HIVEP2: variants seen among roughly 807,000 people sequenced by gnomAD.
HIVEP2 encodes transcription factor HIVEP2.
A neutral mutation model predicts 180.7 loss-of-function variants in HIVEP2; 14 were observed. That is an observed-to-expected ratio of 0.08 (90% CI 0.05 to 0.12). The LOEUF is 0.12. Among genes scored for constraint, HIVEP2 ranks in the 10% least tolerant of loss-of-function variants. HIVEP2 has a pLI of 1.00. For synonymous variants in HIVEP2, 1,184 were observed against 1,136.4 expected, an observed-to-expected ratio of 1.04 and a Z score of -0.84; for missense variants, 2,579 against 3,008.5, an observed-to-expected ratio of 0.86 and a Z score of 3.34.
chr6:142,866,689 G>A (rs56171412), intron 1 of HIVEP2, among the ~76,000 whole-genome samples: 2,401 of 152,228 alleles, frequency 0.016, 27 homozygotes, highest in Middle Eastern at 0.034. Flanking sequence ...GAATTACTGG[G>A]AAAAGGATAA....
chr6:142,822,774 T>C (rs1379325418), intron 2 of HIVEP2, among the ~76,000 whole-genome samples: 2 of 152,182 alleles, frequency 1.3e-5, no homozygotes, highest in African/African-American at 4.8e-5. Context: ...TCTTTCCAAC[T>C]GTGTGGAGAA....
intron 1 of HIVEP2, among the ~76,000 whole-genome samples, chr6:142,877,267 T>C (rs1232489456): frequency 1.3e-5 from 2 of 152,174 alleles, no homozygotes; most frequent in Non-Finnish European, 2.9e-5. Flanking sequence ...ATATATCTAG[T>C]TAGTTTTAAT....
intron 1 of HIVEP2, among the ~76,000 whole-genome samples, chr6:142,869,829 G>T (rs1776242620): frequency 6.6e-6 from 1 of 152,042 alleles, no homozygotes; most frequent in African/African-American, 2.4e-5. Flanking sequence ...ACCCAAAAAG[G>T]CTTGGGTTGA....
At chr6:142,785,362 A>T (rs1582857079) in intron 2 of HIVEP2, among the ~76,000 whole-genome samples, 1 of 136,428 alleles carries the variant, frequency 7.3e-6, no homozygotes, top group Non-Finnish European at 1.6e-5. Flanking sequence ...AGAAGAAATC[A>T]CTGAGTTATT....
At position 142,773,197 on chromosome 6, in the gene HIVEP2, G is replaced by A. The variant is rs781459292; in HGVS notation, c.1542C>T (p.Asn514=). ...AGTTTGCTGGATAAAGTTTTCCTTC[G>A]TTCCTGATAGATGATGGAATAATCT... ...QPQIIPSSIR[N]EGKLYPANFQ... is the part of the protein sequence containing the mutation. The change falls in exon 5 of 10, where the codon AAC becomes AAT. Residue 514 remains asparagine, a synonymous_variant. Transcript: ENST00000367603. The A allele has an allele frequency of 4.0e-5, 64 of 1,614,036 alleles. 2 individuals are homozygous for A. The highest frequency in any genetic ancestry group is 2.9e-4 in the South Asian group (26 of 91,078).
At chr6:142,821,782 C>A (rs562271257) in intron 2 of HIVEP2, among the ~76,000 whole-genome samples, 67 of 152,276 alleles carry the variant, frequency 4.4e-4, no homozygotes, top group African/African-American at 1.6e-3. Context: ...CTAGGTCAAG[C>A]AATCAAGGCT....
In HIVEP2 at chr6:142,753,702, G is replaced by C; in HGVS notation, c.6746C>G (p.Pro2249Arg). The C allele has an allele frequency of 6.2e-7, 1 of 1,614,166 alleles. No homozygotes were observed. The highest frequency in any genetic ancestry group is 8.5e-7 in the Non-Finnish European group (1 of 1,180,032). Residue 2249 changes from proline (P) to arginine (R), a missense_variant, in exon 10 of 10, where the codon CCT (proline) becomes CGT (arginine). By Grantham distance (103) the Pro-to-Arg change is moderately radical. Around this residue, in one of 11 missense-constraint regions of HIVEP2, gnomAD observed 660 missense variants for 731.7 expected, o/e 0.90. Coordinates refer to ENST00000367603, the MANE Select transcript of HIVEP2 (RefSeq NM_006734.4). ...CATTGGCAGGGGCAATGTGGGTGAA[G>C]GATGTAAACTGGAAAGGGCTGGCGG... ...SMPPALSSLH[P>R]SPTLPLPMEG... is the part of the protein sequence containing the mutation.
intron 1 of HIVEP2, among the ~76,000 whole-genome samples, chr6:142,895,222 GT>G (rs1776956609): frequency 6.6e-6 from 1 of 151,746 alleles, no homozygotes; most frequent in South Asian, 2.1e-4. Context: ...ATTGTTTTCT[GT>G]TTTGTCTTAC....
At chr6:142,798,370 T>C (rs1383680958) in intron 2 of HIVEP2, among the ~76,000 whole-genome samples, 2 of 152,180 alleles carry the variant, frequency 1.3e-5, no homozygotes, top group Non-Finnish European at 2.9e-5. Context: ...CACTGTATTG[T>C]TGCAATTCAT....
At position 142,772,683 on chromosome 6, in the gene HIVEP2, T is replaced by C. The variant is rs766476838; in HGVS notation, c.2056A>G (p.Ser686Gly). 1.6e-5 allele frequency: 26 copies of C among 1,614,244 alleles called. No homozygotes were observed. Among genetic ancestry groups the C allele is most frequent in the Non-Finnish European group, 2.1e-5 (25 of 1,180,046 alleles). Residue 686 changes from serine to glycine, a missense_variant, in exon 5 of 10, where the codon AGC becomes GGC. Coordinates refer to ENST00000367603, the MANE Select transcript of HIVEP2 (RefSeq NM_006734.4). This position sits in a 1 kb window ranked among gnomAD's most constrained non-coding sequence, Gnocchi z 4.9. ...DPVVPLQGVPSMFGTTCENRK... is the reference protein window; with the variant it reads ...DPVVPLQGVPGMFGTTCENRK... Reference sequence around the variant, plus strand: ...TTTTCACAGGTAGTTCCAAACATGCTTGGTACTCCCTGCAATGGCACCACG... The same window carrying C: ...TTTTCACAGGTAGTTCCAAACATGCCTGGTACTCCCTGCAATGGCACCACG...
intron 1 of HIVEP2, among the ~76,000 whole-genome samples, chr6:142,877,078 A>C (rs1398830047): frequency 6.6e-6 from 1 of 152,164 alleles, no homozygotes; most frequent in Non-Finnish European, 1.5e-5. Flanking sequence ...AATAAAGGTA[A>C]AAATAAGGCA....
intron 9 of HIVEP2, among the ~76,000 whole-genome samples, chr6:142,754,293 A>G (rs1373618532): frequency 6.7e-6 from 1 of 148,718 alleles, no homozygotes; most frequent in Admixed American, 6.8e-5. Context: ...TTTACTGAGC[A>G]AAAAACACTA....
At chr6:142,914,053 T>A (rs1216053301) in intron 1 of HIVEP2, among the ~76,000 whole-genome samples, 21 of 151,172 alleles carry the variant, frequency 1.4e-4, no homozygotes, top group Admixed American at 1.4e-3. Context: ...GCAGTCATAG[T>A]ACTGGGGATG....
chr6:142,882,447 C>CA (rs201365724), intron 1 of HIVEP2, among the ~76,000 whole-genome samples: 38 of 150,428 alleles, frequency 2.5e-4, no homozygotes, highest in Admixed American at 5.3e-4. Context: ...CCTGTTTCCA[C>CA]AAAAAATAAA....
At chr6:142,920,184 T>C (rs1174115290) in intron 1 of HIVEP2, among the ~76,000 whole-genome samples, 2 of 152,250 alleles carry the variant, frequency 1.3e-5, no homozygotes, top group Non-Finnish European at 2.9e-5. Flanking sequence ...TTTGTGTAAC[T>C]GCTACATGAG....
rs573629466 is a variant in HIVEP2, at chr6:142,774,806, G to A, written c.-68C>T. 7 of 1,543,774 alleles carry A rather than the reference G, an allele frequency of 4.5e-6. No individual in the cohort carries two copies. Among genetic ancestry groups the A allele is most frequent in the Non-Finnish European group, 6.1e-6 (7 of 1,148,408 alleles). On this transcript the variant is annotated 5_prime_UTR_variant, in exon 5 of 10. Transcript: ENST00000367603. The surrounding 1 kb of genome is among the most constrained non-coding windows in gnomAD (Gnocchi z 5.1). Reference sequence around the variant, plus strand: ...TGCAGACTCATGGAGTGTCTCCAAAGCTGTGCTTCTTAAAGCTTGGTTGCT... The same window carrying A: ...TGCAGACTCATGGAGTGTCTCCAAAACTGTGCTTCTTAAAGCTTGGTTGCT...
intron 1 of HIVEP2, among the ~76,000 whole-genome samples, chr6:142,841,593 T>A (rs535061952): frequency 6.6e-6 from 1 of 152,262 alleles, no homozygotes; most frequent in South Asian, 2.1e-4. Flanking sequence ...TTCACCCATT[T>A]TTTCAGATTA....
rs547827274 is a variant in HIVEP2, at chr6:142,846,595, A to C, written c.-640-9548T>G. Among the ~76,000 whole-genome samples the C allele has an allele frequency of 1.3e-3, 201 of 152,346 alleles. 1 individual carries two copies. Among genetic ancestry groups the C allele is most frequent in the African/African-American group, 4.7e-3 (195 of 41,572 alleles). On this transcript the variant is annotated intron_variant, in intron 1 of 9. Coordinates refer to ENST00000367603, the MANE Select transcript of HIVEP2 (RefSeq NM_006734.4). ...GACAGTTTTATTGATTTCACAGGGCACATCATACAGTCCCATTTTAGGTAC... is the reference window on the plus strand; with the variant it reads ...GACAGTTTTATTGATTTCACAGGGCCCATCATACAGTCCCATTTTAGGTAC...
intron 1 of HIVEP2, among the ~76,000 whole-genome samples, chr6:142,875,038 T>A (rs890308032): frequency 6.6e-6 from 1 of 152,142 alleles, no homozygotes; most frequent in Non-Finnish European, 1.5e-5. Context: ...AAAAAATACA[T>A]CAACTATTAA....
Sources: allele counts gnomAD v4.1 joint callset (sites outside exome capture counted in the v4.1 genomes callset), GRCh38; gene constraint gnomAD v4.1.1; regional missense constraint gnomAD v4.1.1; non-coding constraint Gnocchi (gnomAD v3.1); transcripts MANE v1.5; gene names NCBI Gene and HGNC (gene_info 2026-07-23, HGNC 2026-07-21).